Variants in CYLC2 observed in about 807,000 individuals in gnomAD.
The protein encoded by CYLC2 is cylicin-2.
Under a neutral mutation model 26.1 loss-of-function variants are expected in CYLC2, and 30 were observed. The ratio of observed to expected loss-of-function variants is 1.15; its 90% CI spans 0.86 to 1.56. The LOEUF is 1.56. Ranked by LOEUF, CYLC2 falls within the 40% of genes most tolerant of loss-of-function variation. The probability of loss-of-function intolerance (pLI) is 0.00; values close to 1 mark genes in which losing one functional copy is unlikely to be tolerated. For synonymous variants in CYLC2, 158 were observed against 132.8 expected, an observed-to-expected ratio of 1.19 and a Z score of -1.31; for missense variants, 498 against 394.4, an observed-to-expected ratio of 1.26 and a Z score of -2.23.
intron 1 of CYLC2, among the ~76,000 whole-genome samples, chr9:102,999,636 A>G (rs376123992): frequency 1.3e-5 from 2 of 151,304 alleles, no homozygotes; most frequent in South Asian, 4.1e-4. Flanking sequence ...TCTGTGGGCT[A>G]TGTTCTCTAT....
chr9:102,995,810 G>A (rs879517477), intron 1 of CYLC2, among the ~76,000 whole-genome samples: 1 of 151,736 alleles, frequency 6.6e-6, no homozygotes, highest in Non-Finnish European at 1.5e-5. Context: ...GCATTATATC[G>A]CAGTGTTAAC....
rs1435826593 is a variant in CYLC2, at chr9:103,005,902, G to C, written c.*224G>C. The stretch of plus-strand genomic sequence containing the variant: ...TAAGGGGGGATCCATTGAAAGACTT[G>C]AAGAATACATATACTTATATTCGGG... On this transcript the variant is annotated 3_prime_UTR_variant, in exon 5 of 8. Transcript: ENST00000374798. 2 of 501,618 alleles carry C rather than the reference G, an allele frequency of 4.0e-6. No individual in the cohort carries two copies. Among genetic ancestry groups the C allele is most frequent in the East Asian group, 3.1e-5 (1 of 32,224 alleles). 31.1% of individuals were successfully genotyped at this position (501,618 alleles called of 1,614,324 possible). A position where few individuals can be genotyped will look rare whatever the true frequency, so the allele number is the denominator to read the frequency against.
rs765218702 is a variant in CYLC2, at chr9:102,995,413, T to C, written c.17+16T>C. The C allele has an allele frequency of 5.1e-6, 8 of 1,583,516 alleles. No homozygotes were observed. The highest frequency in any genetic ancestry group is 6.9e-6 in the Non-Finnish European group (8 of 1,152,994). ...TCCCAAGATTGTAAGTCAAATTTTA[T>C]GTTTTAAAATAACTGAAATACTCGT... On this transcript the variant is annotated intron_variant, in intron 1 of 7. Coordinates refer to ENST00000374798, the MANE Select transcript of CYLC2 (RefSeq NM_001340.5).
At position 103,009,542 on chromosome 9, in the gene CYLC2, C is replaced by T. The variant is rs572527362; in HGVS notation, c.*701-2440C>T. ...CATCATGGAGAATGGGGTAACTACC[C>T]CTTCAAAGATTTATCCTTTGTGTTA... is the stretch of plus-strand genomic sequence containing the variant. On this transcript the variant is annotated intron_variant, in intron 5 of 7. Transcript: ENST00000374798. Among the ~76,000 whole-genome samples the T allele has an allele frequency of 3.3e-5, 5 of 152,112 alleles. No individual in the cohort carries two copies. The South Asian group carries it at 1.0e-3, about 32-fold the overall frequency.
intron 6 of CYLC2, among the ~76,000 whole-genome samples, chr9:103,014,477 TATGTATATTATGC>T (rs1829467098): frequency 7.2e-6 from 1 of 137,990 alleles, no homozygotes; most frequent in Non-Finnish European, 1.5e-5. Context: ...ATATACATAA[TATGTATATTATGC>T]AATATACATA....
rs16922368 is a variant in CYLC2, at chr9:102,997,528, A to C, written c.17+2131A>C. ...ACACAGAGACTCCTCTAGCAAATAC[A>C]AGAAGAGAAGCTCAGGCTGCAGTCA... On this transcript the variant is annotated intron_variant, in intron 1 of 7. Transcript: ENST00000374798. Among the ~76,000 whole-genome samples, 1,142 of 152,022 alleles carry C rather than the reference A, an allele frequency of 7.5e-3. 9 individuals carry two copies. The highest frequency in any genetic ancestry group is 0.026 in the African/African-American group (1,081 of 41,518).
At chr9:103,013,221 T>C (rs1313161649) in intron 6 of CYLC2, among the ~76,000 whole-genome samples, 3 of 65,184 alleles carry the variant, frequency 4.6e-5, no homozygotes, top group East Asian at 1.1e-3. Context: ...TATTAATATG[T>C]ATATTATAAA....
intron 6 of CYLC2, among the ~76,000 whole-genome samples, chr9:103,014,158 A>C (rs1162053826): frequency 1.6e-5 from 2 of 121,240 alleles, no homozygotes; most frequent in Non-Finnish European, 1.6e-5. Flanking sequence ...TATTTAATAT[A>C]TAATATGAAT....
At chr9:103,001,660 A>G in intron 2 of CYLC2, 42 bp downstream of exon 2, 1 of 1,261,050 alleles carries the variant, frequency 7.9e-7, no homozygotes, top group East Asian at 2.3e-5. Flanking sequence ...AGGTGTGCTT[A>G]ATTTTATGGT....
chr9:103,003,773 T>C (rs924169479), intron 3 of CYLC2, among the ~76,000 whole-genome samples: 8 of 152,104 alleles, frequency 5.3e-5, no homozygotes, highest in Non-Finnish European at 1.0e-4. Context: ...ATTCAGGAAA[T>C]GTTCTACAGC....
chr9:103,015,103 GATAT>G (rs1829482896), intron 6 of CYLC2, among the ~76,000 whole-genome samples: 1 of 36,930 alleles, frequency 2.7e-5, no homozygotes, highest in East Asian at 8.5e-4. Flanking sequence ...TATATCACGT[GATAT>G]ACATAACATG....
At chr9:103,014,031 A>C (rs1225376888) in intron 6 of CYLC2, among the ~76,000 whole-genome samples, 2 of 112,212 alleles carry the variant, frequency 1.8e-5, no homozygotes, top group Admixed American at 2.2e-4. Flanking sequence ...TATTATTCAT[A>C]TTATATACAT....
At chr9:103,000,458 T>G (rs1412204813) in intron 1 of CYLC2, among the ~76,000 whole-genome samples, 1 of 152,064 alleles carries the variant, frequency 6.6e-6, no homozygotes, top group East Asian at 1.9e-4. Flanking sequence ...GTATCAACAT[T>G]TCTTCTGTAG....
intron 5 of CYLC2, among the ~76,000 whole-genome samples, chr9:103,006,719 T>A (rs1190820958): frequency 6.6e-6 from 1 of 152,132 alleles, no homozygotes; most frequent in African/African-American, 2.4e-5. Context: ...CGGCCAGTTT[T>A]GTTTTATTTT....
chr9:103,011,986 G>C lies in CYLC2; in HGVS notation c.*705G>C, dbSNP rs137857349. ...TTTTTTTTTTTTTTGATCGAGTCTC[G>C]CTCTGTTGCCCTGGCTGGAGTTCAG... On this transcript the variant is annotated 3_prime_UTR_variant, in exon 6 of 8. Transcript: ENST00000374798. 9.4e-6 allele frequency: 1 copy of C among 106,934 alleles called. No homozygotes were observed. The highest frequency in any genetic ancestry group is 3.0e-4 in the South Asian group (1 of 3,344). 6.6% of individuals were successfully genotyped at this position (106,934 alleles called of 1,614,324 possible).
intron 7 of CYLC2, among the ~76,000 whole-genome samples, chr9:103,018,014 C>T (rs1829524340): frequency 1.3e-5 from 2 of 151,882 alleles, no homozygotes; most frequent in African/African-American, 2.4e-5. Flanking sequence ...TTCTGTGGTG[C>T]TGGAAGTTAA....
Position 103,005,440 on chromosome 9 carries a change from G to A in CYLC2, c.809G>A (p.Gly270Asp), listed in dbSNP as rs750777444. ...AAAGATGCAAAGGAGATTAAAAAAG[G>A]TAAGAAAGATAAGAAGAAGCCCAGT... Reference protein sequence around the residue: ...AKKDAKEIKKGKKDKKKPSST... With the variant: ...AKKDAKEIKKDKKDKKKPSST... Residue 270 changes from glycine (G) to aspartate (D), a missense_variant, in exon 5 of 8, where the codon GGT (glycine) becomes GAT (aspartate). Gly to Asp is a moderately conservative substitution (Grantham distance 94). Transcript: ENST00000374798. The A allele has an allele frequency of 1.2e-6, 2 of 1,613,458 alleles. No homozygotes were observed. The highest frequency in any genetic ancestry group is 1.7e-5 in the Admixed American group (1 of 59,866).
chr9:103,014,140 A>G (rs1166065818), intron 6 of CYLC2, among the ~76,000 whole-genome samples: 2 of 121,328 alleles, frequency 1.6e-5, no homozygotes, highest in South Asian at 4.8e-4. Context: ...ATAATATATT[A>G]AATATATTAT....
At position 103,005,269 on chromosome 9, in the gene CYLC2, C is replaced by A. The variant is rs745511475; in HGVS notation, c.638C>A (p.Thr213Lys). 1 of 1,612,998 alleles carries A rather than the reference C, an allele frequency of 6.2e-7. No homozygotes were observed. The highest frequency in any genetic ancestry group is 8.5e-7 in the Non-Finnish European group (1 of 1,179,760). ...ATESEGEKGG[T>K]EKDSKKGKKD... ...GAATCTGAAGGTGAAAAAGGAGGTA[C>A]AGAGAAAGATAGCAAAAAAGGTAAA... Residue 213 changes from threonine to lysine, a missense_variant, in exon 5 of 8, where the codon ACA (threonine) becomes AAA (lysine). Transcript: ENST00000374798.
Sources: gnomAD v4.1 joint callset for allele counts (sites outside exome capture counted in the v4.1 genomes callset) on GRCh38, gnomAD v4.1.1 for gene constraint, MANE v1.5 for transcripts, NCBI Gene and HGNC (gene_info 2026-07-23, HGNC 2026-07-21) for gene names.